The following RIT2 variants were observed in gnomAD, a reference collection of about 807,000 sequenced individuals.
RIT2 encodes Ras like without CAAX 2, also known as GTP-binding protein Rit2.
A neutral mutation model predicts 23.7 loss-of-function variants in RIT2; 24 were observed. That is an observed-to-expected ratio of 1.01 (90% confidence interval 0.73 to 1.43). The LOEUF is 1.43. Among genes scored for constraint, RIT2 ranks in the 40% most tolerant of loss-of-function variants. The pLI, the probability that RIT2 is intolerant of heterozygous loss-of-function variation, is 0.00. For missense variants in RIT2, 236 were observed against 266.9 expected (o/e 0.88, Z 0.81); for synonymous variants, 107 against 91.1 (o/e 1.17, Z -0.99).
At chr18:42,958,506 C>G (rs1010610793) in intron 3 of RIT2, among the ~76,000 whole-genome samples, 7 of 151,992 alleles carry the variant, frequency 4.6e-5, no homozygotes, top group South Asian at 4.1e-4. Flanking sequence ...GGGACATAAA[C>G]TAGGGGTGCT....
At chr18:42,937,498 G>C (rs1438171762) in intron 3 of RIT2, among the ~76,000 whole-genome samples, 4 of 152,118 alleles carry the variant, frequency 2.6e-5, no homozygotes, top group African/African-American at 9.7e-5. Flanking sequence ...AAGCTTGACT[G>C]TGCTGGCAAC....
intron 2 of RIT2, among the ~76,000 whole-genome samples, chr18:42,996,762 T>C (rs1032712910): frequency 3.9e-5 from 6 of 152,154 alleles, no homozygotes; most frequent in African/African-American, 1.4e-4. Flanking sequence ...AAAGCTTTAT[T>C]GCTCACACAA....
chr18:42,982,618 G>A (rs1910621974), intron 2 of RIT2, among the ~76,000 whole-genome samples: 1 of 152,010 alleles, frequency 6.6e-6, no homozygotes, highest in Non-Finnish European at 1.5e-5. Context: ...GTAATTTTCA[G>A]GATTTTAGAT....
At chr18:43,054,632 A>G (rs1437516383) in intron 1 of RIT2, among the ~76,000 whole-genome samples, 2 of 152,066 alleles carry the variant, frequency 1.3e-5, no homozygotes, top group Non-Finnish European at 2.9e-5. Context: ...TCAAATCCTT[A>G]TATGCTGTTT....
At chr18:43,067,510 T>C (rs1912798869) in intron 1 of RIT2, among the ~76,000 whole-genome samples, 1 of 152,192 alleles carries the variant, frequency 6.6e-6, no homozygotes, top group African/African-American at 2.4e-5. Flanking sequence ...ATACATGGGT[T>C]CGGTGCAGAA....
intron 3 of RIT2, among the ~76,000 whole-genome samples, chr18:42,942,280 A>C (rs923581698): frequency 6.6e-6 from 1 of 151,996 alleles, no homozygotes; most frequent in Admixed American, 6.6e-5. Flanking sequence ...TGCTGGCAGG[A>C]CTCAACTTCT....
At chr18:42,982,163 G>T (rs541641753) in intron 2 of RIT2, among the ~76,000 whole-genome samples, 1 of 152,128 alleles carries the variant, frequency 6.6e-6, no homozygotes. Context: ...ACTCTTAGTC[G>T]GAAGCCAAAG....
intron 2 of RIT2, among the ~76,000 whole-genome samples, chr18:42,980,574 A>G (rs1410676330): frequency 2.0e-5 from 3 of 152,084 alleles, no homozygotes; most frequent in Non-Finnish European, 4.4e-5. Flanking sequence ...AGTCTGCCCA[A>G]AGTGGCCAAT....
chr18:42,749,472 ATAAG>A (rs1180409471), intron 4 of RIT2, among the ~76,000 whole-genome samples: 5 of 151,846 alleles, frequency 3.3e-5, no homozygotes, highest in East Asian at 1.9e-4. Context: ...TGATAAACAG[ATAAG>A]TAAGTAAAAT....
intron 4 of RIT2, among the ~76,000 whole-genome samples, chr18:42,907,975 A>C (rs1227232856): frequency 6.6e-6 from 1 of 152,050 alleles, no homozygotes; most frequent in African/African-American, 2.4e-5. Context: ...TGAAAAAAAA[A>C]AAATTAAGGC....
chr18:42,997,065 A>T (rs554305220), intron 2 of RIT2, among the ~76,000 whole-genome samples: 1 of 152,116 alleles, frequency 6.6e-6, no homozygotes, highest in Non-Finnish European at 1.5e-5. Context: ...CTCAGTGGCA[A>T]CAGCCTGTTG....
intron 4 of RIT2, among the ~76,000 whole-genome samples, chr18:42,921,389 CAA>C (rs1909053346): frequency 6.6e-6 from 1 of 152,114 alleles, no homozygotes; most frequent in Non-Finnish European, 1.5e-5. Context: ...ATCAAATCTG[CAA>C]AGTTACTCAA....
chr18:42,934,890 G>T (rs1414549612), intron 3 of RIT2, among the ~76,000 whole-genome samples: 1 of 152,022 alleles, frequency 6.6e-6, no homozygotes, highest in Non-Finnish European at 1.5e-5. Flanking sequence ...CAGAACTATT[G>T]TTATTATTTG....
intron 4 of RIT2, among the ~76,000 whole-genome samples, chr18:42,847,370 A>T (rs1204236367): frequency 6.6e-6 from 1 of 152,142 alleles, no homozygotes; most frequent in Non-Finnish European, 1.5e-5. Context: ...CATGCCAGGA[A>T]CACTGCAGAA....
chr18:43,104,301 G>A (rs1001912128), intron 1 of RIT2, among the ~76,000 whole-genome samples: 2 of 152,130 alleles, frequency 1.3e-5, no homozygotes, highest in Non-Finnish European at 2.9e-5. Context: ...GATGGGGAGA[G>A]TTTGGTTAAC....
intron 3 of RIT2, among the ~76,000 whole-genome samples, chr18:42,955,687 TA>T (rs1909956360): frequency 6.6e-6 from 1 of 152,228 alleles, no homozygotes; most frequent in Non-Finnish European, 1.5e-5. Context: ...TTTTTAATTA[TA>T]ATTGTCCTTT....
At chr18:42,957,368 C>T (rs1473096694) in intron 3 of RIT2, among the ~76,000 whole-genome samples, 3 of 152,084 alleles carry the variant, frequency 2.0e-5, no homozygotes, top group Admixed American at 2.0e-4. Context: ...ACTGTCTTGC[C>T]AATCCCTGTT....
intron 4 of RIT2, among the ~76,000 whole-genome samples, chr18:42,834,404 G>A (rs142761502): frequency 7.9e-5 from 12 of 152,088 alleles, no homozygotes; most frequent in African/African-American, 2.7e-4. Flanking sequence ...CAAGCCCAAA[G>A]GTTTGTCTTA....
intron 4 of RIT2, among the ~76,000 whole-genome samples, chr18:42,886,882 T>C (rs1908036436): frequency 1.3e-5 from 2 of 152,132 alleles, no homozygotes; most frequent in South Asian, 2.1e-4. Flanking sequence ...ATAACAGAGT[T>C]CTAATAATTT....
Sources: allele counts gnomAD v4.1 joint callset (sites outside exome capture counted in the v4.1 genomes callset), GRCh38; gene constraint gnomAD v4.1.1; transcripts MANE v1.5; gene names NCBI Gene and HGNC (gene_info 2026-07-23, HGNC 2026-07-21).